The following TRAK1 variants were observed in gnomAD, a reference collection of about 807,000 sequenced individuals.
TRAK1 encodes trafficking kinesin-binding protein 1.
A neutral mutation model predicts 92.1 loss-of-function variants in TRAK1; 33 were observed. The ratio of observed to expected loss-of-function variants is 0.36; its 90% CI spans 0.27 to 0.48. The LOEUF (loss-of-function observed/expected upper bound fraction) is 0.48, where lower values mean the gene tolerates loss of function less well. Ranked by LOEUF, TRAK1 falls within the 20% of genes least tolerant of loss-of-function variation. The pLI is 0.99. For synonymous variants in TRAK1, 521 were observed against 517.3 expected (o/e 1.01, Z -0.10); for missense variants, 1,123 against 1,257.9 (o/e 0.89, Z 1.62).
intron 1 of TRAK1, among the ~76,000 whole-genome samples, chr3:42,120,594 G>C (rs1027780007): frequency 6.6e-6 from 1 of 152,036 alleles, no homozygotes; most frequent in Middle Eastern, 3.2e-3. Flanking sequence ...CCAGGCTGGA[G>C]TGCAGTGGTG....
intron 1 of TRAK1, among the ~76,000 whole-genome samples, chr3:42,015,943 A>G (rs1701506487): frequency 1.3e-5 from 2 of 152,174 alleles, no homozygotes; most frequent in Non-Finnish European, 2.9e-5. Flanking sequence ...AGGGTGAGTC[A>G]GGAGAATAGC....
At chr3:42,184,560 G>A in intron 3 of TRAK1, 125 bp from the exon 4 acceptor site, 1 of 960,146 alleles carries the variant, frequency 1.0e-6, no homozygotes, top group Admixed American at 2.1e-5. Flanking sequence ...AACACAGATG[G>A]TGAATTATTA....
At chr3:42,070,077 C>G (rs1261997243) in intron 1 of TRAK1, among the ~76,000 whole-genome samples, 4 of 151,920 alleles carry the variant, frequency 2.6e-5, no homozygotes, top group Non-Finnish European at 5.9e-5. Flanking sequence ...GTCTCAAACT[C>G]TGGACCTCAG....
rs1439328923 is a variant in TRAK1 at position 42,225,148 on chromosome 3, G to C, written c.*1411G>C. ...CCAGTTTCAGTCATAGTGTGTCTGT[G>C]GCATTCCAGTCCAACCATGTGACTT... On this transcript the variant is annotated 3_prime_UTR_variant, in exon 16 of 16. Transcript: ENST00000327628. The C allele has an allele frequency of 6.6e-6, 1 of 152,154 alleles. No homozygotes were observed. The highest frequency in any genetic ancestry group is 1.5e-5 in the Non-Finnish European group (1 of 68,040). The allele number at this position is 152,154 out of a possible 1,614,324, so 9.4% of individuals were successfully genotyped here. A position where few individuals can be genotyped will look rare whatever the true frequency, so the allele number is the denominator to read the frequency against.
intron 1 of TRAK1, among the ~76,000 whole-genome samples, chr3:42,055,231 A>C (rs1336428480): frequency 1.3e-5 from 2 of 152,030 alleles, no homozygotes; most frequent in African/African-American, 4.8e-5. Context: ...GAATTTTAAC[A>C]CATGTATAGA....
Position 42,212,904 on chromosome 3 carries a change from A to G in TRAK1, c.1963+2919A>G, listed in dbSNP as rs541295507. 8.1e-4 allele frequency among the ~76,000 whole-genome samples: 123 copies of G among 152,174 alleles called. 1 individual carries two copies. The highest frequency in any genetic ancestry group is 1.2e-3 in the Non-Finnish European group (81 of 68,026). Reference sequence around the variant, plus strand: ...GATTCAAGCCACATGGATAGAGAAAATTGACAGTCAGTTTATTTTAATGCT... The same window carrying G: ...GATTCAAGCCACATGGATAGAGAAAGTTGACAGTCAGTTTATTTTAATGCT... On this transcript the variant is annotated intron_variant, in intron 14 of 15. Transcript: ENST00000327628.
intron 1 of TRAK1, among the ~76,000 whole-genome samples, chr3:42,120,381 A>G (rs1226534483): frequency 6.6e-6 from 1 of 152,018 alleles, no homozygotes; most frequent in East Asian, 1.9e-4. Context: ...CTGTGGGGAA[A>G]TGGTGACCAC....
chr3:42,223,398 C>T lies in TRAK1; in HGVS notation c.2523C>T (p.Leu841=), dbSNP rs780707351. ...ESQTDVSVSN[L]NLVDKVRRFG... ...AGACCGACGTGTCCGTCTCCAACCTCAACCTCGTGGACAAAGTCAGGAGGT... is the reference window on the plus strand; with the variant it reads ...AGACCGACGTGTCCGTCTCCAACCTTAACCTCGTGGACAAAGTCAGGAGGT... The change falls in exon 16 of 16, where the codon CTC becomes CTT. Residue 841 remains leucine (L), a synonymous_variant. Coordinates refer to ENST00000327628, the MANE Select transcript of TRAK1 (RefSeq NM_001042646.3). The surrounding 1 kb of genome is among the most constrained non-coding windows in gnomAD (Gnocchi z 6.1). The T allele has an allele frequency of 1.9e-6, 3 of 1,614,102 alleles. No individual in the cohort carries two copies. The African/African-American group carries it at 4.0e-5, about 22-fold the overall frequency.
intron 2 of TRAK1, among the ~76,000 whole-genome samples, chr3:42,138,921 G>GTGTGTGTT (rs1296460266): frequency 3.4e-5 from 5 of 145,646 alleles, no homozygotes; most frequent in Non-Finnish European, 7.6e-5. Flanking sequence ...GTGTGTGTGT[G>GTGTGTGTT]TGTTTGGAGG....
At chr3:42,031,574 G>A (rs1702149512) in intron 1 of TRAK1, among the ~76,000 whole-genome samples, 1 of 151,990 alleles carries the variant, frequency 6.6e-6, no homozygotes, top group Non-Finnish European at 1.5e-5. Context: ...TTGAGGTTAC[G>A]GTGAGCCATG....
chr3:42,111,578 G>A (rs1046826254), intron 1 of TRAK1, among the ~76,000 whole-genome samples: 1 of 152,012 alleles, frequency 6.6e-6, no homozygotes, highest in East Asian at 1.9e-4. Context: ...TGTATGTTTA[G>A]TGGAGACGGG....
At chr3:42,086,024 T>A (rs1366090628), upstream of TRAK1, among the ~76,000 whole-genome samples, 7 of 152,356 alleles carry the variant, frequency 4.6e-5, no homozygotes, top group East Asian at 7.7e-4. Context: ...CACTTTGAGA[T>A]CTCTTGTGCT....
intron 14 of TRAK1, chr3:42,211,106 A>C (rs1357797094): frequency 1.0e-6 from 1 of 985,296 alleles, no homozygotes; most frequent in African/African-American, 1.7e-5. Context: ...GACATTCCTG[A>C]GGATTCACCA....
In TRAK1 at chr3:42,199,220, T is replaced by C; in HGVS notation, c.1157T>C (p.Leu386Pro). The change falls in exon 11 of 16, where the codon CTG (leucine) becomes CCG (proline). Residue 386 changes from leucine to proline, a missense_variant. Transcript: ENST00000327628. ...AEIEGTMRKE[L>P]QLEEAESPDI... is the part of the protein sequence containing the mutation. Reference sequence around the variant, plus strand: ...ATTGAGGGAACGATGCGCAAGGAGCTGCAGTTGGAAGAGGCCGAGTCTCCA... The same window carrying C: ...ATTGAGGGAACGATGCGCAAGGAGCCGCAGTTGGAAGAGGCCGAGTCTCCA... 1 of 1,613,908 alleles carries C rather than the reference T, an allele frequency of 6.2e-7. No individual in the cohort carries two copies. Among genetic ancestry groups the C allele is most frequent in the Non-Finnish European group, 8.5e-7 (1 of 1,180,028 alleles).
chr3:42,134,203 CT>C (rs1343909119), intron 2 of TRAK1, among the ~76,000 whole-genome samples: 1 of 86,062 alleles, frequency 1.2e-5, no homozygotes, highest in Non-Finnish European at 2.3e-5. Flanking sequence ...TCCCCTTCCC[CT>C]TCCCCCCTCC....
chr3:42,209,196 C>T (rs1271425899), intron 13 of TRAK1, among the ~76,000 whole-genome samples: 1 of 152,178 alleles, frequency 6.6e-6, no homozygotes, highest in African/African-American at 2.4e-5. Context: ...ATACAGAAAA[C>T]CTAAGTAAAG....
chr3:42,114,542 A>G (rs936213975), intron 1 of TRAK1, among the ~76,000 whole-genome samples: 5 of 152,212 alleles, frequency 3.3e-5, no homozygotes, highest in African/African-American at 7.2e-5. Context: ...TTCTCTAAAC[A>G]TACTGTCAAA....
At chr3:42,107,338 A>AC (rs1185437741) in intron 1 of TRAK1, among the ~76,000 whole-genome samples, 1 of 151,872 alleles carries the variant, frequency 6.6e-6, no homozygotes, top group Admixed American at 6.6e-5. Context: ...ACATGAGGAA[A>AC]CCCGTCTCTA....
intron 1 of TRAK1, among the ~76,000 whole-genome samples, chr3:42,044,054 T>C (rs1702664367): frequency 1.3e-5 from 2 of 152,394 alleles, no homozygotes; most frequent in South Asian, 2.1e-4. Context: ...CCCAAGGCAC[T>C]GGATTGTTTG....
Sources: gnomAD v4.1 joint callset for allele counts (sites outside exome capture counted in the v4.1 genomes callset) on GRCh38, gnomAD v4.1.1 for gene constraint, Gnocchi (gnomAD v3.1) non-coding constraint, MANE v1.5 for transcripts, NCBI Gene and HGNC (gene_info 2026-07-23, HGNC 2026-07-21) for gene names.